MYCBP2: variants seen among roughly 807,000 people sequenced by gnomAD.
The protein encoded by MYCBP2 is MYC binding protein 2, also known as E3 ubiquitin-protein ligase MYCBP2.
In MYCBP2, 120 loss-of-function variants were observed where a neutral mutation model predicts 525.3. The ratio of observed to expected loss-of-function variants is 0.23; its 90% CI spans 0.20 to 0.27. MYCBP2 has a LOEUF of 0.27. MYCBP2 is among the 10% of genes least tolerant of loss of function. The pLI is 1.00. For missense variants in MYCBP2, 4,149 were observed against 5,657.1 expected (o/e 0.73, Z 8.55); for synonymous variants, 1,894 against 1,955.8 (o/e 0.97, Z 0.83).
Position 77,083,063 on chromosome 13 carries a change from T to C in MYCBP2, c.11005A>G (p.Ser3669Gly). The C allele has an allele frequency of 6.2e-7, 1 of 1,613,318 alleles. No individual in the cohort carries two copies. Among genetic ancestry groups the C allele is most frequent in the Non-Finnish European group, 8.5e-7 (1 of 1,179,538 alleles). ...GCCATTTGCTGTAATGAACTGCCGC[T>C]GGGGAGAGACATCATAAGGTCTGAG... The part of the protein sequence containing the change: ...TISDLMMSLP[S>G]GSSLQQMALR... The change falls in exon 63 of 83, where the codon AGC (serine) becomes GGC (glycine). Residue 3669 changes from serine (S) to glycine (G), a missense_variant. By Grantham distance (56) the Ser-to-Gly change is moderately conservative (BLOSUM62 0). Transcript: ENST00000544440.
intron 54 of MYCBP2, among the ~76,000 whole-genome samples, chr13:77,125,022 G>GATAGA (rs925979774): frequency 6.6e-6 from 1 of 152,030 alleles, no homozygotes; most frequent in Non-Finnish European, 1.5e-5. Context: ...TTATAGAAGG[G>GATAGA]ATAGAACGTT....
intron 57 of MYCBP2, 29 bp downstream of exon 57, chr13:77,096,283 A>G: frequency 6.2e-7 from 1 of 1,607,040 alleles, no homozygotes; most frequent in Non-Finnish European, 8.5e-7. Flanking sequence ...CATATCATTA[A>G]AAGTATAGCT....
chr13:77,095,342 A>G lies in MYCBP2; in HGVS notation c.10199+16T>C. ...AATCCAAAGGTGATTAAAAAACAAC[A>G]GCAAAATTTTATTACCTAGCTAATG... On this transcript the variant is annotated intron_variant, in intron 58 of 82. Coordinates refer to ENST00000544440, the MANE Select transcript of MYCBP2 (RefSeq NM_015057.5). 1 of 1,612,444 alleles carries G rather than the reference A, an allele frequency of 6.2e-7. No homozygotes were observed. The highest frequency in any genetic ancestry group is 8.5e-7 in the Non-Finnish European group (1 of 1,179,164).
At position 77,260,375 on chromosome 13, in the gene MYCBP2, A is replaced by G. The variant is rs575801044; in HGVS notation, c.2017+53T>C. 27 of 1,297,514 alleles carry G rather than the reference A, an allele frequency of 2.1e-5. No homozygotes were observed. In the East Asian group the frequency reaches 4.6e-4, roughly 22 times the overall value. 80.4% of individuals were successfully genotyped at this position (1,297,514 alleles called of 1,614,324 possible). Reference sequence around the variant, plus strand: ...TTTTCTAGATATGTCTTTGTCATACATAACTAGTATTGAAACTTCTTTGCA... The same window carrying G: ...TTTTCTAGATATGTCTTTGTCATACGTAACTAGTATTGAAACTTCTTTGCA... On this transcript the variant is annotated intron_variant, in intron 13 of 82. Coordinates refer to ENST00000544440, the MANE Select transcript of MYCBP2 (RefSeq NM_015057.5).
At chr13:77,255,699 G>C (rs1335951242) in intron 14 of MYCBP2, among the ~76,000 whole-genome samples, 1 of 151,558 alleles carries the variant, frequency 6.6e-6, no homozygotes, top group Non-Finnish European at 1.5e-5. Context: ...CTAGTAACTT[G>C]CTCATTTTTA....
intron 15 of MYCBP2, among the ~76,000 whole-genome samples, chr13:77,246,973 C>A (rs1254062229): frequency 6.6e-6 from 1 of 152,056 alleles, no homozygotes; most frequent in African/African-American, 2.4e-5. Context: ...ATGATCTCAA[C>A]ATAAAAACCA....
At chr13:77,187,062 G>A (rs529342948) in intron 30 of MYCBP2, among the ~76,000 whole-genome samples, 4 of 152,002 alleles carry the variant, frequency 2.6e-5, no homozygotes, top group South Asian at 2.1e-4. Context: ...CTCCTGCCTC[G>A]GCCTCCAAAA....
chr13:77,135,241 T>C (rs1048621446), intron 52 of MYCBP2, among the ~76,000 whole-genome samples: 14 of 152,242 alleles, frequency 9.2e-5, no homozygotes, highest in Non-Finnish European at 1.8e-4. Context: ...ATCTCCCAGC[T>C]TTCATTTTTT....
intron 33 of MYCBP2, among the ~76,000 whole-genome samples, chr13:77,180,965 G>A (rs2060164488): frequency 1.3e-5 from 2 of 152,172 alleles, no homozygotes; most frequent in African/African-American, 4.8e-5. Flanking sequence ...GTCTTAATCT[G>A]AGATAATAAA....
At chr13:77,197,263 A>G (rs771246440) in intron 26 of MYCBP2, among the ~76,000 whole-genome samples, 2 of 152,206 alleles carry the variant, frequency 1.3e-5, no homozygotes, top group Non-Finnish European at 2.9e-5. Context: ...TAGAAAGAAT[A>G]TGTACAGAGA....
chr13:77,124,742 A>C (rs937450872), intron 54 of MYCBP2, among the ~76,000 whole-genome samples: 1 of 152,246 alleles, frequency 6.6e-6, no homozygotes, highest in African/African-American at 2.4e-5. Flanking sequence ...TTAAAGCATC[A>C]CACAAGTGAT....
chr13:77,162,918 G>A (rs533788228), intron 43 of MYCBP2, among the ~76,000 whole-genome samples: 2 of 152,324 alleles, frequency 1.3e-5, no homozygotes, highest in South Asian at 2.1e-4. Context: ...GCCTCACAAA[G>A]TGCTGGGATT....
intron 14 of MYCBP2, among the ~76,000 whole-genome samples, chr13:77,254,706 C>T (rs1485237590): frequency 6.6e-6 from 1 of 151,654 alleles, no homozygotes; most frequent in Non-Finnish European, 1.5e-5. Context: ...AGAACTTATT[C>T]CTTCTCTCTA....
At chr13:77,055,873 C>G (rs1167455277) in intron 79 of MYCBP2, 106 bp from the exon 80 acceptor site, 1 of 711,558 alleles carries the variant, frequency 1.4e-6, no homozygotes, top group Non-Finnish European at 2.3e-6. Flanking sequence ...GATAACCAGA[C>G]AGCACACATA....
intron 20 of MYCBP2, among the ~76,000 whole-genome samples, chr13:77,219,738 AG>A (rs2065287536): frequency 1.3e-5 from 2 of 152,100 alleles, no homozygotes; most frequent in Admixed American, 6.6e-5. Flanking sequence ...TGCTAAAAGG[AG>A]GAAACAGGTG....
At position 77,243,812 on chromosome 13, in the gene MYCBP2, G is replaced by T; in HGVS notation, c.2521C>A (p.Leu841Ile). Reference protein sequence around the residue: ...AVKEMIPLDLLLAVPVPGVNI... With the variant: ...AVKEMIPLDLILAVPVPGVNI... ...TATAATCAATCAAAATTACCTAAAA[G>T]AAGATCTAAAGGTATCATTTCTTTC... is the stretch of plus-strand genomic sequence containing the variant. The change falls in exon 16 of 83, where the codon CTT becomes ATT. Residue 841 changes from leucine (L) to isoleucine (I), a missense_variant. Leu to Ile is a conservative substitution (Grantham distance 5). Transcript: ENST00000544440. 1 of 1,612,994 alleles carries T rather than the reference G, an allele frequency of 6.2e-7. No homozygotes were observed.
chr13:77,216,684 T>C (rs2064865404), intron 21 of MYCBP2, among the ~76,000 whole-genome samples: 1 of 152,060 alleles, frequency 6.6e-6, no homozygotes, highest in Non-Finnish European at 1.5e-5. Context: ...TTCAAAACAG[T>C]ACTATATACT....
At chr13:77,250,180 G>C (rs1374057947) in intron 15 of MYCBP2, among the ~76,000 whole-genome samples, 1 of 146,918 alleles carries the variant, frequency 6.8e-6, no homozygotes, top group Non-Finnish European at 1.5e-5. Flanking sequence ...CCGAGATCCC[G>C]CCACTGCACT....
chr13:77,307,184 C>A (rs565233718), intron 1 of MYCBP2, among the ~76,000 whole-genome samples: 2 of 152,190 alleles, frequency 1.3e-5, no homozygotes, highest in Non-Finnish European at 2.9e-5. Flanking sequence ...TCCCCCATCC[C>A]AAAAGAGACA....
Sources: allele counts gnomAD v4.1 joint callset (sites outside exome capture counted in the v4.1 genomes callset), GRCh38; gene constraint gnomAD v4.1.1; transcripts MANE v1.5; gene names NCBI Gene and HGNC (gene_info 2026-07-23, HGNC 2026-07-21).